The following ZSWIM7 variants were observed in gnomAD, a reference collection of about 807,000 sequenced individuals.
ZSWIM7 encodes zinc finger SWIM-type containing 7.
A neutral mutation model predicts 21.1 loss-of-function variants in ZSWIM7; 22 were observed. That is an observed-to-expected ratio of 1.04 (90% CI 0.74 to 1.49). The LOEUF (loss-of-function observed/expected upper bound fraction) is 1.49, where lower values mean the gene tolerates loss of function less well. Among genes scored for constraint, ZSWIM7 ranks in the 40% most tolerant of loss-of-function variants. ZSWIM7 has a pLI of 0.00. For synonymous variants in ZSWIM7, 67 were observed against 66.5 expected, an observed-to-expected ratio of 1.01 and a Z score of -0.04; for missense variants, 193 against 168.0, an observed-to-expected ratio of 1.15 and a Z score of -0.82.
intron 2 of ZSWIM7, 21 bp downstream of exon 2, chr17:15,993,736 T>C: frequency 2.8e-6 from 4 of 1,442,032 alleles, no homozygotes; most frequent in South Asian, 1.2e-5. Context: ...AAAAATCAAA[T>C]ACAACAGTAT....
At position 15,987,279 on chromosome 17, in the gene ZSWIM7, C is replaced by T. The variant is rs761024077; in HGVS notation, c.188G>A (p.Arg63Lys). 2 of 1,612,540 alleles carry T rather than the reference C, an allele frequency of 1.2e-6. No individual in the cohort carries two copies. Among genetic ancestry groups the T allele is most frequent in the South Asian group, 1.1e-5 (1 of 90,788 alleles). ...CTAGACTTCTACCTGGTAAACACGC[C>T]TTCCACTGGGTGATGAGATTAAGGT... ...SITLISSPSG[R>K]RVYQVLGSSS... is the part of the protein sequence containing the mutation. The change falls in exon 3 of 5, where the codon AGG (arginine) becomes AAG (lysine). Residue 63 changes from arginine (R) to lysine (K), a missense_variant. Transcript: ENST00000399277.
chr17:15,981,311 ACT>A (rs1485954163), intron 3 of ZSWIM7, among the ~76,000 whole-genome samples, 167 bp from the exon 4 acceptor site: 1 of 151,954 alleles, frequency 6.6e-6, no homozygotes, highest in East Asian at 1.9e-4. Flanking sequence ...CAGTGTACAG[ACT>A]CTCCCTTCCT....
At chr17:15,979,820 C>T (rs181362370) in intron 4 of ZSWIM7, among the ~76,000 whole-genome samples, 24,437 of 72,584 alleles carry the variant, frequency 0.34, 5,913 homozygotes, top group Non-Finnish European at 0.42. Flanking sequence ...CCCTCCCGGA[C>T]GGGGGGCTGA....
chr17:15,981,218 T>C, intron 3 of ZSWIM7, 74 bp from the exon 4 acceptor site: 1 of 1,112,670 alleles, frequency 9.0e-7, no homozygotes, highest in Non-Finnish European at 1.3e-6. Flanking sequence ...TTTATTTATG[T>C]AGACTCAGAG....
At position 15,989,017 on chromosome 17, in the gene ZSWIM7, C is replaced by CA. The variant is rs369601343; in HGVS notation, c.99-1650dup. 5.6e-3 allele frequency among the ~76,000 whole-genome samples: 836 copies of CA among 148,752 alleles called. 12 individuals are homozygous for CA. Among genetic ancestry groups the CA allele is most frequent in the African/African-American group, 0.019 (788 of 40,632 alleles). On this transcript the variant is annotated intron_variant, in intron 2 of 4. Coordinates refer to ENST00000399277, the MANE Select transcript of ZSWIM7 (RefSeq NM_001042697.2). ...CCCAGGTAACAGGGAGACTCCGTCT[C>CA]AAAAAAAAAATAAATGAAACAAACA... is the stretch of plus-strand genomic sequence containing the variant.
intron 3 of ZSWIM7, among the ~76,000 whole-genome samples, chr17:15,983,708 G>A (rs1173845445): frequency 6.6e-6 from 1 of 151,878 alleles, no homozygotes; most frequent in Non-Finnish European, 1.5e-5. Context: ...TGCCTCAGCC[G>A]CCTGATTAGC....
rs1970287753 is a variant in ZSWIM7, at chr17:15,977,178, C to G, written c.*869G>C. On this transcript the variant is annotated 3_prime_UTR_variant, in exon 5 of 5. Coordinates refer to ENST00000399277, the MANE Select transcript of ZSWIM7 (RefSeq NM_001042697.2). ...TCTCAAACAATACAGTCTACTTAAG[C>G]TGTTTTGGCACAAGCATCACAGATA... 6.6e-6 allele frequency: 1 copy of G among 152,172 alleles called. No individual in the cohort carries two copies. Among genetic ancestry groups the G allele is most frequent in the African/African-American group, 2.4e-5 (1 of 41,428 alleles). The allele number at this position is 152,172 out of a possible 1,614,324, so 9.4% of individuals were successfully genotyped here.
Position 15,987,354 on chromosome 17 carries a change from A to C in ZSWIM7, c.113T>G (p.Phe38Cys), listed in dbSNP as rs779182732. ...CAAGGCCTGGGTGGCTGATGAGCCA[A>C]AGAGAAACTTCAGCCTGTGAAATAA... ...DEYLLSLKFL[F>C]GSSATQALDL... Residue 38 changes from phenylalanine (F) to cysteine (C), a missense_variant, in exon 3 of 5, where the codon TTT (phenylalanine) becomes TGT (cysteine). Phe to Cys is a radical substitution (Grantham distance 205). Coordinates refer to ENST00000399277, the MANE Select transcript of ZSWIM7 (RefSeq NM_001042697.2). 8.7e-6 allele frequency: 14 copies of C among 1,613,168 alleles called. No homozygotes were observed. The highest frequency in any genetic ancestry group is 1.3e-5 in the African/African-American group (1 of 74,902).
intron 3 of ZSWIM7, among the ~76,000 whole-genome samples, chr17:15,982,100 G>T (rs1313397914): frequency 6.6e-6 from 1 of 152,076 alleles, no homozygotes; most frequent in African/African-American, 2.4e-5. Flanking sequence ...GATGGAAGGA[G>T]GACACTGATA....
At position 15,999,589 on chromosome 17, in the gene ZSWIM7, G is replaced by A. The variant is rs760004497; in HGVS notation, c.6C>T (p.Ala2=). 46 of 1,577,888 alleles carry A rather than the reference G, an allele frequency of 2.9e-5. No individual in the cohort carries two copies. In the Admixed American group the frequency reaches 7.9e-4, roughly 27 times the overall value. Residue 2 remains alanine, a synonymous_variant, in exon 1 of 5, where the codon GCC becomes GCT. Coordinates refer to ENST00000399277, the MANE Select transcript of ZSWIM7 (RefSeq NM_001042697.2). ...CCTCCACAACCGCCGGCAACACTAC[G>A]GCCATCGCGCCGCAGGACACGCCCT... M[A]VVLPAVVEEL... is the part of the protein sequence containing the mutation.
intron 2 of ZSWIM7, among the ~76,000 whole-genome samples, chr17:15,992,088 G>C (rs1000762011): frequency 6.6e-6 from 1 of 151,838 alleles, no homozygotes; most frequent in Non-Finnish European, 1.5e-5. Flanking sequence ...CACCATGCCC[G>C]GCTAATTTTT....
At chr17:15,988,470 T>C (rs1290138251) in intron 2 of ZSWIM7, among the ~76,000 whole-genome samples, 4 of 152,138 alleles carry the variant, frequency 2.6e-5, no homozygotes, top group African/African-American at 4.8e-5. Flanking sequence ...CTTTAGTTTA[T>C]GTAACTAAAG....
In ZSWIM7 at chr17:15,996,299, G is replaced by A. The variant is rs542603211; in HGVS notation, c.77-2521C>T. ...GCCTGGGCAACAAGAGCGAAACTCC[G>A]TCTCAAAAAAAACCCAAAAAAACAA... On this transcript the variant is annotated intron_variant, in intron 1 of 4. Transcript: ENST00000399277. Among the ~76,000 whole-genome samples, 44 of 151,368 alleles carry A rather than the reference G, an allele frequency of 2.9e-4. 1 individual carries two copies. The highest frequency in any genetic ancestry group is 4.6e-4 in the Non-Finnish European group (31 of 67,738).
chr17:15,995,302 T>A (rs1451741720), intron 1 of ZSWIM7, among the ~76,000 whole-genome samples: 4 of 151,360 alleles, frequency 2.6e-5, no homozygotes, highest in Non-Finnish European at 5.9e-5. Context: ...AGTTTCGCTC[T>A]TGTTGCCCAG....
At chr17:15,988,255 T>G (rs1436516200) in intron 2 of ZSWIM7, among the ~76,000 whole-genome samples, 2 of 152,192 alleles carry the variant, frequency 1.3e-5, no homozygotes, top group Non-Finnish European at 2.9e-5. Flanking sequence ...GCAACTTGCA[T>G]TTTTTTACTC....
intron 1 of ZSWIM7, among the ~76,000 whole-genome samples, chr17:15,997,325 A>C (rs1004263512): frequency 6.6e-6 from 1 of 152,182 alleles, no homozygotes; most frequent in Non-Finnish European, 1.5e-5. Flanking sequence ...AAGGCTCTAG[A>C]GATGTCTTCA....
intron 3 of ZSWIM7, among the ~76,000 whole-genome samples, chr17:15,985,563 G>A (rs1317317639): frequency 6.6e-6 from 1 of 152,156 alleles, no homozygotes; most frequent in African/African-American, 2.4e-5. Flanking sequence ...ATTTGAGGGT[G>A]TATAAGATTT....
intron 3 of ZSWIM7, among the ~76,000 whole-genome samples, chr17:15,983,897 G>C (rs1970382947): frequency 6.6e-6 from 1 of 152,004 alleles, no homozygotes; most frequent in Non-Finnish European, 1.5e-5. Flanking sequence ...TATAATTCTT[G>C]GGTGTCTAAA....
intron 4 of ZSWIM7, 52 bp downstream of exon 4, chr17:15,980,988 G>A: frequency 7.4e-7 from 1 of 1,359,892 alleles, no homozygotes; most frequent in Non-Finnish European, 1.0e-6. Context: ...CAAAGTAAGG[G>A]CAATTTCTCT....
Sources: gnomAD v4.1 joint callset for allele counts (sites outside exome capture counted in the v4.1 genomes callset) on GRCh38, gnomAD v4.1.1 for gene constraint, MANE v1.5 for transcripts, NCBI Gene and HGNC (gene_info 2026-07-23, HGNC 2026-07-21) for gene names.